Variants in SLC9A9 observed in about 807,000 individuals in gnomAD.
The protein encoded by SLC9A9 is sodium/hydrogen exchanger 9.
In SLC9A9, 62 loss-of-function variants were observed where a neutral mutation model predicts 77.8. That is an observed-to-expected ratio of 0.80 (90% CI 0.65 to 0.98). The LOEUF is 0.98. SLC9A9 is among the 50% of genes least tolerant of loss of function. The pLI is 0.00. For missense variants in SLC9A9, 775 were observed against 774.9 expected (o/e 1.00, Z 0.00); for synonymous variants, 320 against 283.5 (o/e 1.13, Z -1.29).
At chr3:143,537,108 G>A (rs1377607183) in intron 9 of SLC9A9, among the ~76,000 whole-genome samples, 1 of 152,178 alleles carries the variant, frequency 6.6e-6, no homozygotes, top group East Asian at 1.9e-4. Flanking sequence ...AACCACACCT[G>A]CAAAATGACA....
chr3:143,638,311 T>C (rs760807667), intron 6 of SLC9A9, among the ~76,000 whole-genome samples: 3 of 152,224 alleles, frequency 2.0e-5, no homozygotes, highest in Admixed American at 6.5e-5. Context: ...ACTTTAGAAT[T>C]TGACTTTCAT....
intron 14 of SLC9A9, among the ~76,000 whole-genome samples, chr3:143,361,048 G>C (rs540745212): frequency 6.6e-6 from 1 of 152,334 alleles, no homozygotes; most frequent in South Asian, 2.1e-4. Flanking sequence ...GCTCTTGCCT[G>C]AATTTCCAGA....
intron 9 of SLC9A9, among the ~76,000 whole-genome samples, chr3:143,521,856 A>G (rs2036305251): frequency 6.6e-6 from 1 of 151,964 alleles, no homozygotes; most frequent in Non-Finnish European, 1.5e-5. Flanking sequence ...TTTAGTTATT[A>G]TATTATATAA....
chr3:143,404,568 C>T lies in SLC9A9; in HGVS notation c.1470-22454G>A, dbSNP rs1284217196. 2.0e-5 allele frequency among the ~76,000 whole-genome samples: 3 copies of T among 152,092 alleles called. No individual in the cohort carries two copies. In the East Asian group the frequency reaches 5.8e-4, roughly 29 times the overall value. ...TCTGTGCCCCCTCAAAAGCAGTTTG[C>T]ATTCCCCTAGCCCGCCCCACACATA... is the stretch of plus-strand genomic sequence containing the variant. On this transcript the variant is annotated intron_variant, in intron 12 of 15. Coordinates refer to ENST00000316549, the MANE Select transcript of SLC9A9 (RefSeq NM_173653.4).
intron 6 of SLC9A9, among the ~76,000 whole-genome samples, chr3:143,640,234 G>T (rs1004197293): frequency 1.3e-5 from 2 of 151,948 alleles, no homozygotes; most frequent in African/African-American, 4.8e-5. Flanking sequence ...TGTTAGCCAG[G>T]ACAGTCTCAA....
At chr3:143,492,669 C>T (rs1204575563) in intron 11 of SLC9A9, among the ~76,000 whole-genome samples, 2 of 152,222 alleles carry the variant, frequency 1.3e-5, no homozygotes, top group East Asian at 3.8e-4. Flanking sequence ...TCAGTTTCTT[C>T]ATCTACAAAA....
chr3:143,382,415 T>C, intron 12 of SLC9A9, among the ~76,000 whole-genome samples: 1 of 152,096 alleles, frequency 6.6e-6, no homozygotes, highest in Non-Finnish European at 1.5e-5. Context: ...AAGACCTCCA[T>C]AGCCCCAAAA....
intron 12 of SLC9A9, among the ~76,000 whole-genome samples, chr3:143,463,815 C>T (rs2035237695): frequency 1.3e-5 from 2 of 152,120 alleles, no homozygotes; most frequent in Non-Finnish European, 2.9e-5. Flanking sequence ...TAGGACAAGA[C>T]TCAATCAATG....
intron 14 of SLC9A9, among the ~76,000 whole-genome samples, chr3:143,310,132 A>G (rs1028091679): frequency 3.1e-4 from 47 of 152,222 alleles, no homozygotes; most frequent in African/African-American, 9.9e-4. Flanking sequence ...CTCCTGCTGC[A>G]GTGCTGCTGA....
At chr3:143,355,362 T>C (rs2032559426) in intron 14 of SLC9A9, among the ~76,000 whole-genome samples, 2 of 152,216 alleles carry the variant, frequency 1.3e-5, no homozygotes, top group Admixed American at 6.5e-5. Flanking sequence ...ATAATAATAA[T>C]ACATGTAATG....
chr3:143,437,494 T>C (rs147764565), intron 12 of SLC9A9, among the ~76,000 whole-genome samples: 19 of 152,312 alleles, frequency 1.2e-4, no homozygotes, highest in African/African-American at 4.1e-4. Context: ...GCGTCCTGCT[T>C]CCTTTGAGGC....
intron 8 of SLC9A9, among the ~76,000 whole-genome samples, chr3:143,559,784 A>C (rs556945231): frequency 1.9e-4 from 29 of 152,350 alleles, no homozygotes; most frequent in African/African-American, 6.5e-4. Flanking sequence ...ATGAGGTTTA[A>C]AGAGAAACTC....
intron 9 of SLC9A9, among the ~76,000 whole-genome samples, chr3:143,540,777 G>T (rs959511623): frequency 6.6e-6 from 1 of 152,046 alleles, no homozygotes; most frequent in African/African-American, 2.4e-5. Context: ...ATTAATAATA[G>T]TCTTCACCTT....
At chr3:143,537,703 G>A (rs896705480) in intron 9 of SLC9A9, among the ~76,000 whole-genome samples, 1 of 152,126 alleles carries the variant, frequency 6.6e-6, no homozygotes, top group Non-Finnish European at 1.5e-5. Flanking sequence ...GGGATGGGGT[G>A]GGCTCCAGCA....
chr3:143,675,181 T>G, intron 5 of SLC9A9, among the ~76,000 whole-genome samples: 1 of 152,196 alleles, frequency 6.6e-6, no homozygotes. Flanking sequence ...CCTAGAAAGC[T>G]TAAGTGGCCA....
At chr3:143,689,323 C>A (rs1933380617) in intron 5 of SLC9A9, among the ~76,000 whole-genome samples, 1 of 152,130 alleles carries the variant, frequency 6.6e-6, no homozygotes, top group South Asian at 2.1e-4. Context: ...AGAAAGAACC[C>A]AAATTTCTAT....
intron 4 of SLC9A9, among the ~76,000 whole-genome samples, chr3:143,743,367 C>T (rs781052609): frequency 1.3e-5 from 2 of 152,050 alleles, no homozygotes; most frequent in East Asian, 1.9e-4. Flanking sequence ...AGCTGGAGAC[C>T]CTGGAATGCC....
At chr3:143,305,612 T>C (rs1259070696) in intron 14 of SLC9A9, among the ~76,000 whole-genome samples, 1 of 151,950 alleles carries the variant, frequency 6.6e-6, no homozygotes, top group Non-Finnish European at 1.5e-5. Flanking sequence ...GAAGAGAGAG[T>C]CTACAGAAGA....
At chr3:143,846,462 A>G (rs558889691) in intron 1 of SLC9A9, among the ~76,000 whole-genome samples, 64 of 152,306 alleles carry the variant, frequency 4.2e-4, no homozygotes, top group Non-Finnish European at 7.5e-4. Context: ...AGGGCTTCAC[A>G]TCTGATGGCA....
Sources: allele counts gnomAD v4.1 joint callset (sites outside exome capture counted in the v4.1 genomes callset), GRCh38; gene constraint gnomAD v4.1.1; transcripts MANE v1.5; gene names NCBI Gene and HGNC (gene_info 2026-07-23, HGNC 2026-07-21).